PDSS2: variants seen among roughly 807,000 people sequenced by gnomAD.
The protein encoded by PDSS2 is all trans-polyprenyl-diphosphate synthase PDSS2.
In PDSS2, 31 loss-of-function variants were observed where a neutral mutation model predicts 44.5. The observed-to-expected ratio is 0.70, with a 90% CI of 0.52 to 0.94. The LOEUF (loss-of-function observed/expected upper bound fraction) is 0.94, where lower values mean the gene tolerates loss of function less well. Among genes scored for constraint, PDSS2 ranks in the 40% least tolerant of loss-of-function variants. PDSS2 has a pLI of 0.00. For synonymous variants in PDSS2, 157 were observed against 180.3 expected (o/e 0.87, Z 1.03); for missense variants, 452 against 482.2 (o/e 0.94, Z 0.59).
intron 1 of PDSS2, among the ~76,000 whole-genome samples, chr6:107,401,843 TA>T (rs373652655): frequency 1.1e-4 from 16 of 146,862 alleles, no homozygotes; most frequent in Middle Eastern, 3.4e-3. Flanking sequence ...AGACAACAAT[TA>T]AAAAAAAAAG....
intron 6 of PDSS2, among the ~76,000 whole-genome samples, chr6:107,205,809 G>A (rs1772953455): frequency 6.6e-6 from 1 of 152,174 alleles, no homozygotes; most frequent in Non-Finnish European, 1.5e-5. Context: ...AGGTGGCACA[G>A]CCTGATAAGG....
chr6:107,276,616 G>T (rs947657759), intron 2 of PDSS2, among the ~76,000 whole-genome samples: 7 of 152,148 alleles, frequency 4.6e-5, no homozygotes, highest in African/African-American at 1.7e-4. Context: ...GAAATATTGG[G>T]GCCAGAGGGC....
At chr6:107,169,785 G>C (rs920039535) in intron 7 of PDSS2, among the ~76,000 whole-genome samples, 1 of 152,200 alleles carries the variant, frequency 6.6e-6, no homozygotes, top group Non-Finnish European at 1.5e-5. Context: ...AGAGGTTGCA[G>C]AACAGCGAAT....
At chr6:107,220,719 A>G (rs528075348) in intron 4 of PDSS2, among the ~76,000 whole-genome samples, 56 of 152,304 alleles carry the variant, frequency 3.7e-4, no homozygotes, top group African/African-American at 1.3e-3. Context: ...TCAGAAAACC[A>G]AGAAACGATT....
chr6:107,227,298 TTTTTTTTTG>T, intron 4 of PDSS2, among the ~76,000 whole-genome samples: 1 of 92,074 alleles, frequency 1.1e-5, no homozygotes, highest in African/African-American at 4.2e-5. Flanking sequence ...TTTTTTTTTT[TTTTTTTTTG>T]AGACAGAGTC....
Position 107,299,146 on chromosome 6 carries a change from CAAA to C in PDSS2, c.432-24922_432-24920del, listed in dbSNP as rs71991148. Among the ~76,000 whole-genome samples, 157 of 53,458 alleles carry C rather than the reference CAAA, an allele frequency of 2.9e-3. 2 individuals carry two copies. The highest frequency in any genetic ancestry group is 0.013 in the African/African-American group (153 of 11,952). The allele number at this position is 53,458 out of a possible 152,430, so 35.1% of individuals were successfully genotyped here. A position where few individuals can be genotyped will look rare whatever the true frequency, so the allele number is the denominator to read the frequency against. ...TGGGTGACAAAGTGAGACCCTGTCT[CAAA>C]AAAAAAAAAAAAAAAAAAAAGAAAC... On this transcript the variant is annotated intron_variant, in intron 2 of 7. Transcript: ENST00000369037.
chr6:107,340,815 A>G (rs147383179), intron 1 of PDSS2, among the ~76,000 whole-genome samples: 1 of 152,302 alleles, frequency 6.6e-6, no homozygotes, highest in African/African-American at 2.4e-5. Flanking sequence ...GAAATAGATA[A>G]GCAGTGACAA....
At chr6:107,264,260 T>TACAA (rs1775339744) in intron 3 of PDSS2, 1 of 1,347,564 alleles carries the variant, frequency 7.4e-7, no homozygotes, top group Non-Finnish European at 9.6e-7. Context: ...AGCATATTTG[T>TACAA]ACAAACAAAA....
Position 107,160,534 on chromosome 6 carries a change from T to C in PDSS2, c.1042-5757A>G, listed in dbSNP as rs540202629. Among the ~76,000 whole-genome samples, 6 of 151,072 alleles carry C rather than the reference T, an allele frequency of 4.0e-5. No individual in the cohort carries two copies. In the South Asian group the frequency reaches 1.0e-3, roughly 26 times the overall value. On this transcript the variant is annotated intron_variant, in intron 7 of 7. Coordinates refer to ENST00000369037, the MANE Select transcript of PDSS2 (RefSeq NM_020381.4). Reference sequence around the variant, plus strand: ...AGCTAATTTAAATTTTTTTTTTTTGTAGAGACACATTCTCACTATATTGCT... The same window carrying C: ...AGCTAATTTAAATTTTTTTTTTTTGCAGAGACACATTCTCACTATATTGCT...
intron 1 of PDSS2, among the ~76,000 whole-genome samples, chr6:107,455,842 T>C (rs1343556133): frequency 6.6e-6 from 1 of 151,764 alleles, no homozygotes; most frequent in African/African-American, 2.4e-5. Context: ...AACTCAGAAG[T>C]TGTTTATGAG....
At chr6:107,292,051 A>G (rs1206733360) in intron 2 of PDSS2, among the ~76,000 whole-genome samples, 1 of 152,078 alleles carries the variant, frequency 6.6e-6, no homozygotes, top group East Asian at 1.9e-4. Context: ...CACCATTCTA[A>G]GTTATAGTAT....
intron 1 of PDSS2, among the ~76,000 whole-genome samples, chr6:107,395,548 T>C (rs1455578689): frequency 6.6e-6 from 1 of 152,170 alleles, no homozygotes; most frequent in Admixed American, 6.5e-5. Flanking sequence ...TTGTCTGTAA[T>C]TTATATAAGT....
intron 6 of PDSS2, among the ~76,000 whole-genome samples, chr6:107,202,792 G>A (rs1423513689): frequency 6.6e-6 from 1 of 151,864 alleles, no homozygotes; most frequent in Non-Finnish European, 1.5e-5. Context: ...CTCATATTCT[G>A]TTCCTTTGGT....
intron 7 of PDSS2, among the ~76,000 whole-genome samples, chr6:107,161,241 G>A (rs1187253783): frequency 6.6e-6 from 1 of 151,862 alleles, no homozygotes; most frequent in Admixed American, 6.6e-5. Context: ...AGAACTTTGG[G>A]AAGCTGAGGC....
intron 1 of PDSS2, among the ~76,000 whole-genome samples, chr6:107,437,480 G>A (rs1781385986): frequency 1.4e-5 from 2 of 143,254 alleles, no homozygotes; most frequent in South Asian, 2.2e-4. Flanking sequence ...AGCCAAGATC[G>A]CACCACTGCA....
At chr6:107,422,484 TAATC>T (rs1332931132) in intron 1 of PDSS2, among the ~76,000 whole-genome samples, 1 of 151,986 alleles carries the variant, frequency 6.6e-6, no homozygotes, top group Non-Finnish European at 1.5e-5. Context: ...CCTAAGGAAA[TAATC>T]AAACAAGTGT....
intron 1 of PDSS2, among the ~76,000 whole-genome samples, chr6:107,342,683 C>A (rs542470626): frequency 6.6e-6 from 1 of 152,148 alleles, no homozygotes; most frequent in East Asian, 1.9e-4. Flanking sequence ...AAGTGTACTT[C>A]CAGACAGAGA....
intron 7 of PDSS2, among the ~76,000 whole-genome samples, chr6:107,186,474 T>C (rs1772168531): frequency 7.5e-6 from 1 of 132,900 alleles, no homozygotes; most frequent in Non-Finnish European, 1.8e-5. Flanking sequence ...AATAATTATA[T>C]AGTTTTTTTT....
intron 6 of PDSS2, among the ~76,000 whole-genome samples, chr6:107,209,562 CTTT>C (rs543768033): frequency 6.3e-4 from 80 of 126,198 alleles, no homozygotes; most frequent in Middle Eastern, 4.5e-3. Context: ...AGGCTCTAAG[CTTT>C]TTTTTTTTTT....
Sources: allele counts gnomAD v4.1 joint callset (sites outside exome capture counted in the v4.1 genomes callset), GRCh38; gene constraint gnomAD v4.1.1; transcripts MANE v1.5; gene names NCBI Gene and HGNC (gene_info 2026-07-23, HGNC 2026-07-21).